Variants in RALGPS1 observed in about 807,000 individuals in gnomAD.
RALGPS1 encodes the protein ras-specific guanine nucleotide-releasing factor RalGPS1.
Under a neutral mutation model 78.8 loss-of-function variants are expected in RALGPS1, and 19 were observed. The ratio of observed to expected loss-of-function variants is 0.24; its 90% CI spans 0.17 to 0.35. The LOEUF is 0.35. Among genes scored for constraint, RALGPS1 ranks in the 10% least tolerant of loss-of-function variants. The pLI is 1.00. For synonymous variants in RALGPS1, 228 were observed against 256.3 expected (o/e 0.89, Z 1.06); for missense variants, 454 against 688.3 (o/e 0.66, Z 3.81).
At chr9:127,150,292 C>A (rs2058345020) in intron 8 of RALGPS1, among the ~76,000 whole-genome samples, 1 of 152,248 alleles carries the variant, frequency 6.6e-6, no homozygotes, top group South Asian at 2.1e-4. Flanking sequence ...TCTCCCAGTG[C>A]CCCTGTTTGT....
chr9:127,199,138 C>G (rs904951646), intron 14 of RALGPS1, 72 bp downstream of exon 14: 68 of 1,402,432 alleles, frequency 4.8e-5, no homozygotes, highest in Non-Finnish European at 4.9e-5. Context: ...AGACAGGCCC[C>G]GGGCAGGGAC....
At chr9:126,990,686 C>T (rs961773744) in intron 4 of RALGPS1, among the ~76,000 whole-genome samples, 2 of 152,238 alleles carry the variant, frequency 1.3e-5, no homozygotes, top group African/African-American at 4.8e-5. Context: ...CATGCTCCCT[C>T]TCATAGCCGC....
chr9:127,013,168 A>G (rs2044511566), intron 4 of RALGPS1, among the ~76,000 whole-genome samples: 1 of 152,224 alleles, frequency 6.6e-6, no homozygotes, highest in African/African-American at 2.4e-5. Flanking sequence ...GAAAGTGGCC[A>G]TGTACAGGGA....
intron 1 of RALGPS1, among the ~76,000 whole-genome samples, chr9:126,948,323 C>T (rs545158646): frequency 3.7e-4 from 57 of 152,240 alleles, no homozygotes; most frequent in African/African-American, 1.3e-3. Context: ...TAAGACCAGC[C>T]TGGCCAATAT....
chr9:127,155,940 G>A (rs2058687563), intron 8 of RALGPS1, among the ~76,000 whole-genome samples: 1 of 151,578 alleles, frequency 6.6e-6, no homozygotes, highest in South Asian at 2.1e-4. Flanking sequence ...TATATTCATA[G>A]CTAAAGGTTA....
At chr9:127,012,138 G>A (rs2044403169) in intron 4 of RALGPS1, among the ~76,000 whole-genome samples, 1 of 152,168 alleles carries the variant, frequency 6.6e-6, no homozygotes, top group Non-Finnish European at 1.5e-5. Flanking sequence ...TCTTTCTCCT[G>A]AGTGTAGGTA....
intron 8 of RALGPS1, among the ~76,000 whole-genome samples, chr9:127,130,207 G>C (rs1396607953): frequency 6.6e-6 from 1 of 152,228 alleles, no homozygotes; most frequent in Non-Finnish European, 1.5e-5. Context: ...CTGAGTCTCA[G>C]TTTCCTCATT....
At chr9:126,951,088 G>C (rs1373513403) in intron 1 of RALGPS1, among the ~76,000 whole-genome samples, 1 of 152,038 alleles carries the variant, frequency 6.6e-6, no homozygotes, top group Non-Finnish European at 1.5e-5. Context: ...TAAATTCCTC[G>C]ACACATACAC....
chr9:126,915,211 G>C (rs2119349805), intron 1 of RALGPS1, among the ~76,000 whole-genome samples: 1 of 144,152 alleles, frequency 6.9e-6, no homozygotes, highest in Admixed American at 6.9e-5. Context: ...TCTGGGGTCC[G>C]GGGCCAGGGG....
intron 8 of RALGPS1, chr9:127,108,015 G>A (rs1211990201): frequency 6.2e-7 from 1 of 1,605,846 alleles, no homozygotes; most frequent in Non-Finnish European, 8.5e-7. Flanking sequence ...GGATCTCGTT[G>A]GTAGAGATCT....
intron 4 of RALGPS1, among the ~76,000 whole-genome samples, chr9:127,002,463 T>C (rs1055280128): frequency 2.0e-5 from 3 of 147,668 alleles, no homozygotes; most frequent in African/African-American, 7.4e-5. Flanking sequence ...TTTTTTATTA[T>C]ACTTTAAGTT....
chr9:127,038,565 A>G (rs2047046956), intron 5 of RALGPS1, among the ~76,000 whole-genome samples: 1 of 152,258 alleles, frequency 6.6e-6, no homozygotes, highest in South Asian at 2.1e-4. Context: ...TATGACGCTC[A>G]TCACTCTAGT....
chr9:126,974,989 A>G (rs1039373426), intron 3 of RALGPS1, among the ~76,000 whole-genome samples: 10 of 151,666 alleles, frequency 6.6e-5, no homozygotes, highest in Non-Finnish European at 1.3e-4. Flanking sequence ...GGTAAAACTG[A>G]GTGGCCTTGA....
Position 127,036,217 on chromosome 9 carries a change from C to T in RALGPS1, c.300+1703C>T, listed in dbSNP as rs568610748. Among the ~76,000 whole-genome samples, 224 of 152,328 alleles carry T rather than the reference C, an allele frequency of 1.5e-3. 1 individual carries two copies. Among genetic ancestry groups the T allele is most frequent in the Middle Eastern group, 0.014 (4 of 294 alleles). On this transcript the variant is annotated intron_variant, in intron 5 of 18. Coordinates refer to ENST00000259351, the MANE Select transcript of RALGPS1 (RefSeq NM_014636.3). ...TCTTCCTGCTGGCCCATCAGCCAGTCGGAGAGCCAGCAGCTTCTGGACATA... is the reference window on the plus strand; with the variant it reads ...TCTTCCTGCTGGCCCATCAGCCAGTTGGAGAGCCAGCAGCTTCTGGACATA...
At position 127,205,332 on chromosome 9, in the gene RALGPS1, T is replaced by G. The variant is rs938180321; in HGVS notation, c.1247+6266T>G. The stretch of plus-strand genomic sequence containing the variant: ...CTGGGTGGCAGCCCAGTTAGAAAAT[T>G]TGCCAGCTTCTGATTTGGGTTTCCC... On this transcript the variant is annotated intron_variant, in intron 14 of 18. Coordinates refer to ENST00000259351, the MANE Select transcript of RALGPS1 (RefSeq NM_014636.3). This position sits in a 1 kb window ranked among gnomAD's most constrained non-coding sequence, Gnocchi z 4.0. Among the ~76,000 whole-genome samples the G allele has an allele frequency of 6.6e-6, 1 of 152,194 alleles. No homozygotes were observed. The highest frequency in any genetic ancestry group is 2.4e-5 in the African/African-American group (1 of 41,446).
chr9:127,083,208 C>G (rs1341163836), intron 8 of RALGPS1, among the ~76,000 whole-genome samples: 1 of 152,212 alleles, frequency 6.6e-6, no homozygotes, highest in African/African-American at 2.4e-5. Context: ...CTGCTTCTCC[C>G]TTGGCACTGC....
intron 1 of RALGPS1, among the ~76,000 whole-genome samples, chr9:126,921,443 T>G (rs988905777): frequency 2.0e-5 from 3 of 152,240 alleles, no homozygotes; most frequent in African/African-American, 7.2e-5. Context: ...CCATGACTTC[T>G]CCCCAAGGAG....
intron 8 of RALGPS1, among the ~76,000 whole-genome samples, chr9:127,115,708 G>A (rs2055340306): frequency 6.6e-6 from 1 of 152,252 alleles, no homozygotes; most frequent in Non-Finnish European, 1.5e-5. Flanking sequence ...GTTACTCACT[G>A]TTGACTGAAT....
chr9:127,081,389 C>CA (rs1463115010), intron 8 of RALGPS1, among the ~76,000 whole-genome samples: 1 of 152,228 alleles, frequency 6.6e-6, no homozygotes, highest in African/African-American at 2.4e-5. Flanking sequence ...GTTCCTACCA[C>CA]AGGCCTGCAC....
Sources: allele counts gnomAD v4.1 joint callset (sites outside exome capture counted in the v4.1 genomes callset), GRCh38; gene constraint gnomAD v4.1.1; non-coding constraint Gnocchi (gnomAD v3.1); transcripts MANE v1.5; gene names NCBI Gene and HGNC (gene_info 2026-07-23, HGNC 2026-07-21).